BMERB1: variants seen among roughly 807,000 people sequenced by gnomAD.
BMERB1 encodes the protein bMERB domain containing 1, also known as bMERB domain-containing protein 1.
A neutral mutation model predicts 23.6 loss-of-function variants in BMERB1; 12 were observed. The ratio of observed to expected loss-of-function variants is 0.51; its 90% CI spans 0.33 to 0.82. The LOEUF (loss-of-function observed/expected upper bound fraction) is 0.82. BMERB1 is among the 40% of genes least tolerant of loss of function. The pLI is 0.03. For missense variants in BMERB1, 247 were observed against 255.4 expected, an observed-to-expected ratio of 0.97 and a Z score of 0.22; for synonymous variants, 122 against 96.6, an observed-to-expected ratio of 1.26 and a Z score of -1.54.
intron 3 of BMERB1, among the ~76,000 whole-genome samples, chr16:15,575,012 G>C (rs1596402327): frequency 6.6e-6 from 1 of 152,170 alleles, no homozygotes; most frequent in African/African-American, 2.4e-5. Context: ...TCGGGAGAGG[G>C]GGGTTGCAGT....
At chr16:15,480,176 G>A (rs1261345049) in intron 1 of BMERB1, among the ~76,000 whole-genome samples, 8 of 150,804 alleles carry the variant, frequency 5.3e-5, no homozygotes, top group African/African-American at 1.5e-4. Context: ...GCAGTGACAC[G>A]ATCTCGGCTC....
chr16:15,542,587 A>G (rs577493040), intron 2 of BMERB1, among the ~76,000 whole-genome samples: 54 of 144,710 alleles, frequency 3.7e-4, no homozygotes, highest in South Asian at 1.1e-3. Flanking sequence ...CCAAATAGAT[A>G]TTTTATTAAC....
chr16:15,494,828 A>C (rs1255095253), intron 1 of BMERB1, among the ~76,000 whole-genome samples: 1 of 152,124 alleles, frequency 6.6e-6, no homozygotes. Context: ...GGAGCCTTAA[A>C]AAAGTTTTAA....
intron 2 of BMERB1, among the ~76,000 whole-genome samples, chr16:15,533,333 C>T (rs1335226940): frequency 6.6e-6 from 1 of 151,488 alleles, no homozygotes; most frequent in Non-Finnish European, 1.5e-5. Context: ...TCTCAAGGGG[C>T]ACCTAAGATT....
intron 1 of BMERB1, among the ~76,000 whole-genome samples, chr16:15,472,600 A>G (rs1004506636): frequency 5.3e-5 from 8 of 152,000 alleles, no homozygotes; most frequent in African/African-American, 1.4e-4. Flanking sequence ...ATCTTTTTCT[A>G]TCATTTTACT....
chr16:15,515,450 C>T, intron 2 of BMERB1, 22 bp downstream of exon 2: 1 of 1,610,020 alleles, frequency 6.2e-7, no homozygotes, highest in Non-Finnish European at 8.5e-7. Context: ...GGGGATGTGG[C>T]CAAGGAAAGA....
At chr16:15,437,685 G>A (rs970214421) in intron 1 of BMERB1, among the ~76,000 whole-genome samples, 4 of 152,274 alleles carry the variant, frequency 2.6e-5, no homozygotes, top group South Asian at 2.1e-4. Flanking sequence ...AAGGCCAGGC[G>A]CATTGGCTCA....
At chr16:15,457,420 T>G (rs2051095477) in intron 1 of BMERB1, among the ~76,000 whole-genome samples, 1 of 152,204 alleles carries the variant, frequency 6.6e-6, no homozygotes, top group East Asian at 1.9e-4. Context: ...TGCCTCCAGT[T>G]GTATCTGGTC....
chr16:15,523,068 C>A (rs1392764313), intron 2 of BMERB1, among the ~76,000 whole-genome samples: 3 of 151,684 alleles, frequency 2.0e-5, no homozygotes, highest in Non-Finnish European at 4.4e-5. Context: ...ATGGGGGAAG[C>A]CAGAAGGGGA....
At chr16:15,541,177 T>C (rs996834816) in intron 2 of BMERB1, among the ~76,000 whole-genome samples, 5 of 152,056 alleles carry the variant, frequency 3.3e-5, no homozygotes, top group African/African-American at 1.2e-4. Flanking sequence ...TACTGGTTTA[T>C]TACAAAGGAC....
intron 2 of BMERB1, among the ~76,000 whole-genome samples, chr16:15,554,933 T>G (rs532758820): frequency 6.6e-6 from 1 of 152,148 alleles, no homozygotes; most frequent in South Asian, 2.1e-4. Flanking sequence ...CCCAAAGTGC[T>G]GGGATTACAG....
intron 2 of BMERB1, among the ~76,000 whole-genome samples, chr16:15,519,091 A>ACACG (rs2051816697): frequency 6.6e-6 from 1 of 151,330 alleles, no homozygotes; most frequent in African/African-American, 2.4e-5. Flanking sequence ...ACACACACAC[A>ACACG]CACACACACA....
intron 3 of BMERB1, among the ~76,000 whole-genome samples, chr16:15,577,470 T>A (rs1386930291): frequency 2.0e-5 from 3 of 152,192 alleles, no homozygotes; most frequent in Non-Finnish European, 4.4e-5. Flanking sequence ...CCAGCGGGCA[T>A]AAGGCAGAGT....
At chr16:15,561,791 G>C (rs964796264) in intron 2 of BMERB1, among the ~76,000 whole-genome samples, 2 of 152,156 alleles carry the variant, frequency 1.3e-5, no homozygotes, top group Non-Finnish European at 2.9e-5. Flanking sequence ...TACTTGGAAG[G>C]CTGAGGCAGG....
At chr16:15,483,559 T>C (rs1377083199) in intron 1 of BMERB1, among the ~76,000 whole-genome samples, 2 of 152,076 alleles carry the variant, frequency 1.3e-5, no homozygotes, top group Non-Finnish European at 2.9e-5. Flanking sequence ...TTTGTAGTTT[T>C]ATTAGAGATG....
In BMERB1 at chr16:15,537,520, A is replaced by G. The variant is rs185249415; in HGVS notation, c.230+22092A>G. 3.5e-3 allele frequency among the ~76,000 whole-genome samples: 525 copies of G among 151,716 alleles called. 7 individuals are homozygous for G. The highest frequency in any genetic ancestry group is 0.012 in the African/African-American group (498 of 41,356). Reference sequence around the variant, plus strand: ...AGGTGCCCGCCACCATGCCTGGCTAATTTTTGTATTTTTAGTAGAGGCGGG... The same window carrying G: ...AGGTGCCCGCCACCATGCCTGGCTAGTTTTTGTATTTTTAGTAGAGGCGGG... On this transcript the variant is annotated intron_variant, in intron 2 of 5. Coordinates refer to ENST00000300006, the MANE Select transcript of BMERB1 (RefSeq NM_033201.3).
At chr16:15,455,700 G>A (rs1157519995) in intron 1 of BMERB1, among the ~76,000 whole-genome samples, 1 of 152,000 alleles carries the variant, frequency 6.6e-6, no homozygotes, top group Non-Finnish European at 1.5e-5. Flanking sequence ...AACCTCAGGT[G>A]ATCCACCAGC....
At chr16:15,558,715 G>A (rs992941689) in intron 2 of BMERB1, among the ~76,000 whole-genome samples, 1 of 151,900 alleles carries the variant, frequency 6.6e-6, no homozygotes, top group East Asian at 2.0e-4. Flanking sequence ...AGCCGGTGGG[G>A]GGGTTAGGTA....
chr16:15,479,324 T>C (rs151064710), intron 1 of BMERB1, among the ~76,000 whole-genome samples: 63 of 152,304 alleles, frequency 4.1e-4, no homozygotes, highest in Non-Finnish European at 7.5e-4. Context: ...GCCTAATGTT[T>C]TGTAAATGAC....
Sources: allele counts gnomAD v4.1 joint callset (sites outside exome capture counted in the v4.1 genomes callset), GRCh38; gene constraint gnomAD v4.1.1; transcripts MANE v1.5; gene names NCBI Gene and HGNC (gene_info 2026-07-23, HGNC 2026-07-21).